Variants in SORCS2 observed in about 807,000 individuals in gnomAD.
SORCS2 encodes VPS10 domain-containing receptor SorCS2.
SORCS2 carries 100 observed loss-of-function variants against 141.6 expected under a neutral mutation model. The observed-to-expected ratio is 0.71, with a 90% CI of 0.60 to 0.83. SORCS2 has a LOEUF of 0.83. Ranked by LOEUF, SORCS2 falls within the 40% of genes least tolerant of loss-of-function variation. The pLI is 0.00. For missense variants in SORCS2, 1,646 were observed against 1,560.2 expected, an observed-to-expected ratio of 1.05 and a Z score of -0.93; for synonymous variants, 789 against 676.9, an observed-to-expected ratio of 1.17 and a Z score of -2.57.
intron 1 of SORCS2, among the ~76,000 whole-genome samples, chr4:7,236,633 G>A (rs1483148067): frequency 1.3e-5 from 2 of 152,268 alleles, no homozygotes; most frequent in South Asian, 2.1e-4. Context: ...CCAGGCTGGA[G>A]TGCAGTGGCA....
At chr4:7,734,190 G>T (rs1711956195) in intron 24 of SORCS2, 82 bp from the exon 25 acceptor site, 2 of 1,036,720 alleles carry the variant, frequency 1.9e-6, no homozygotes, top group Non-Finnish European at 2.8e-6. Flanking sequence ...GGGGACGGGT[G>T]GGGGACAGAC....
At chr4:7,427,141 C>T (rs1429149461) in intron 2 of SORCS2, among the ~76,000 whole-genome samples, 4 of 151,984 alleles carry the variant, frequency 2.6e-5, no homozygotes, top group Admixed American at 6.5e-5. Flanking sequence ...CTGGCGCAGC[C>T]GGAGCTCCAG....
chr4:7,609,213 G>A (rs1481730866), intron 3 of SORCS2, among the ~76,000 whole-genome samples: 1 of 152,100 alleles, frequency 6.6e-6, no homozygotes, highest in Non-Finnish European at 1.5e-5. Context: ...TCATTTGTTT[G>A]TTTTTCCTTT....
At chr4:7,207,735 C>T (rs1278358255) in intron 1 of SORCS2, among the ~76,000 whole-genome samples, 1 of 152,220 alleles carries the variant, frequency 6.6e-6, no homozygotes, top group East Asian at 1.9e-4. Flanking sequence ...AATTTCTTCC[C>T]ATTTCCTGAA....
chr4:7,739,679 C>A (rs1039001866), intron 26 of SORCS2, among the ~76,000 whole-genome samples: 1 of 152,152 alleles, frequency 6.6e-6, no homozygotes, highest in African/African-American at 2.4e-5. Context: ...CCGTGTCTCC[C>A]GGTGCCCTTG....
intron 1 of SORCS2, among the ~76,000 whole-genome samples, chr4:7,203,881 C>G (rs753937193): frequency 1.3e-5 from 2 of 152,186 alleles, no homozygotes; most frequent in East Asian, 1.9e-4. Flanking sequence ...ATTTGATGCT[C>G]TAATGGCCTC....
intron 2 of SORCS2, among the ~76,000 whole-genome samples, chr4:7,440,752 C>T (rs969219742): frequency 3.3e-5 from 5 of 152,226 alleles, no homozygotes; most frequent in Admixed American, 3.3e-4. Context: ...GGGGGACCCT[C>T]CTGTCCCTCT....
chr4:7,679,012 G>A (rs1197488263), intron 9 of SORCS2, among the ~76,000 whole-genome samples: 2 of 152,174 alleles, frequency 1.3e-5, no homozygotes, highest in African/African-American at 2.4e-5. Context: ...TGTTTTCCCA[G>A]CACTTGCCCT....
In SORCS2 at chr4:7,654,233, C is replaced by T. The variant is rs144139079; in HGVS notation, c.887+26C>T. On this transcript the variant is annotated intron_variant, in intron 5 of 26. Transcript: ENST00000507866. Reference sequence around the variant, plus strand: ...GTGAGAGCACTTCCCCACCCCAAACCCATGGGGCCCGCAGCTCTGGTGAGA... The same window carrying T: ...GTGAGAGCACTTCCCCACCCCAAACTCATGGGGCCCGCAGCTCTGGTGAGA... The T allele has an allele frequency of 1.1e-3, 1,717 of 1,557,902 alleles. 14 individuals are homozygous for T. The African/African-American group carries it at 0.021, about 19-fold the overall frequency.
intron 3 of SORCS2, among the ~76,000 whole-genome samples, chr4:7,608,220 C>G (rs746298933): frequency 6.6e-6 from 1 of 152,158 alleles, no homozygotes; most frequent in Non-Finnish European, 1.5e-5. Context: ...GCAGAGCTGC[C>G]ACCTAGCAGA....
At chr4:7,560,604 G>A (rs954669072) in intron 3 of SORCS2, among the ~76,000 whole-genome samples, 23 of 152,194 alleles carry the variant, frequency 1.5e-4, no homozygotes, top group African/African-American at 2.9e-4. Flanking sequence ...TCCACCCCTG[G>A]CCCCTGCACT....
chr4:7,252,848 A>G (rs964497879), intron 1 of SORCS2, among the ~76,000 whole-genome samples: 1 of 152,268 alleles, frequency 6.6e-6, no homozygotes, highest in Non-Finnish European at 1.5e-5. Flanking sequence ...GTGGCAATCC[A>G]AAATCATTAT....
At chr4:7,458,471 C>G (rs573001508) in intron 2 of SORCS2, among the ~76,000 whole-genome samples, 88 of 152,250 alleles carry the variant, frequency 5.8e-4, no homozygotes, top group African/African-American at 1.5e-3. Flanking sequence ...GAGAATTCCC[C>G]CATGGTCCCC....
In SORCS2 at chr4:7,741,782, C is replaced by T. The variant is rs1712699170; in HGVS notation, c.*1518C>T. 1.3e-5 allele frequency: 2 copies of T among 153,282 alleles called. No individual in the cohort carries two copies. Among genetic ancestry groups the T allele is most frequent in the Non-Finnish European group, 1.5e-5 (1 of 68,844 alleles). 9.5% of individuals were successfully genotyped at this position (153,282 alleles called of 1,614,324 possible). A position where few individuals can be genotyped will look rare whatever the true frequency, so the allele number is the denominator to read the frequency against. ...CCGAATGACAGTGCAGACGTTCTCC[C>T]ATCCACCATGTCTGAGCTTGGGGGA... On this transcript the variant is annotated 3_prime_UTR_variant, in exon 27 of 27. Coordinates refer to ENST00000507866, the MANE Select transcript of SORCS2 (RefSeq NM_020777.3).
intron 14 of SORCS2, among the ~76,000 whole-genome samples, chr4:7,707,192 A>C (rs913853344): frequency 6.6e-6 from 1 of 152,160 alleles, no homozygotes; most frequent in African/African-American, 2.4e-5. Context: ...TTTATTGAGC[A>C]CCTATTATGT....
At chr4:7,351,964 T>C (rs1720968600) in intron 1 of SORCS2, among the ~76,000 whole-genome samples, 1 of 152,094 alleles carries the variant, frequency 6.6e-6, no homozygotes, top group African/African-American at 2.4e-5. Flanking sequence ...ATTTGCCTAC[T>C]CCCTCGCCTG....
intron 10 of SORCS2, among the ~76,000 whole-genome samples, chr4:7,687,555 A>G (rs1022219178): frequency 3.9e-5 from 6 of 152,080 alleles, no homozygotes; most frequent in African/African-American, 1.4e-4. Flanking sequence ...CACAGTGCCC[A>G]GGCTCCTGCC....
chr4:7,720,736 C>G (rs947457415), intron 18 of SORCS2, among the ~76,000 whole-genome samples: 3 of 152,136 alleles, frequency 2.0e-5, no homozygotes, highest in Non-Finnish European at 4.4e-5. Flanking sequence ...GGTAAGCACA[C>G]GAAAAGATGA....
rs1253255433 is a variant in SORCS2, at chr4:7,248,155, C to T, written c.480+55029C>T. Among the ~76,000 whole-genome samples, 5 of 152,164 alleles carry T rather than the reference C, an allele frequency of 3.3e-5. No individual in the cohort carries two copies. In the East Asian group the frequency reaches 9.6e-4, roughly 29 times the overall value. On this transcript the variant is annotated intron_variant, in intron 1 of 26. Coordinates refer to ENST00000507866, the MANE Select transcript of SORCS2 (RefSeq NM_020777.3). ...CACCGACTGTGTGTGGCCCCCCTAC[C>T]GAGGGAGGCTACACAACCCCAGGCT... is the stretch of plus-strand genomic sequence containing the variant.
Sources: allele counts gnomAD v4.1 joint callset (sites outside exome capture counted in the v4.1 genomes callset), GRCh38; gene constraint gnomAD v4.1.1; transcripts MANE v1.5; gene names NCBI Gene and HGNC (gene_info 2026-07-23, HGNC 2026-07-21).